Variants in PCDH11X observed in about 807,000 individuals in gnomAD.
The protein encoded by PCDH11X is protocadherin 11 X-linked, also known as protocadherin-11 X-linked.
A neutral mutation model predicts 53.3 loss-of-function variants in PCDH11X; 18 were observed. That is an observed-to-expected ratio of 0.34 (90% CI 0.23 to 0.50). The LOEUF is 0.50. PCDH11X is among the 20% of genes least tolerant of loss of function. PCDH11X has a pLI of 0.98. For synonymous variants in PCDH11X, 279 were observed against 393.3 expected, an observed-to-expected ratio of 0.71 and a Z score of 3.44; for missense variants, 570 against 1,032.4, an observed-to-expected ratio of 0.55 and a Z score of 6.14.
At chrX:92,460,159 G>T (rs1268161881) in intron 9 of PCDH11X, 4 of 977,778 alleles carry the variant, frequency 4.1e-6, no homozygotes, top group Non-Finnish European at 4.3e-6. Flanking sequence ...TGACTTTAGA[G>T]TCAAGTATGA....
At chrX:92,272,101 C>G (rs1208843056) in intron 8 of PCDH11X, among the ~76,000 whole-genome samples, 1 of 111,130 alleles carries the variant, frequency 9.0e-6, no homozygotes, top group Non-Finnish European at 1.9e-5. Context: ...AAATGGAGTC[C>G]TCAGTAGTAG....
intron 8 of PCDH11X, among the ~76,000 whole-genome samples, chrX:92,324,795 C>T (rs772669816): frequency 9.4e-5 from 9 of 95,466 alleles, no homozygotes; most frequent in South Asian, 5.6e-4. Context: ...GCATGGTACC[C>T]GATAAGCAGT....
At chrX:91,904,955 C>T (rs1941096933) in intron 6 of PCDH11X, among the ~76,000 whole-genome samples, 3 of 109,441 alleles carry the variant, frequency 2.7e-5, no homozygotes, top group African/African-American at 9.9e-5. Flanking sequence ...ATTTCATTTA[C>T]AACAATAGTA....
chrX:92,103,212 C>T (rs1294797017), intron 6 of PCDH11X, among the ~76,000 whole-genome samples: 1 of 110,360 alleles, frequency 9.1e-6, no homozygotes, highest in Non-Finnish European at 1.9e-5. Context: ...TAAAATATCT[C>T]GGCCTAATAA....
chrX:92,597,226 G>T (rs1925723966), intron 10 of PCDH11X, among the ~76,000 whole-genome samples: 1 of 110,524 alleles, frequency 9.0e-6, no homozygotes, highest in African/African-American at 3.3e-5. Context: ...AATTGGAAAG[G>T]AAGAAGTCAA....
Position 92,326,635 on chromosome X carries a change from TATATAGAG to T in PCDH11X, c.3145-61098_3145-61091del, listed in dbSNP as rs2069339227. Among the ~76,000 whole-genome samples the T allele has an allele frequency of 9.6e-5, 5 of 51,828 alleles. 2 individuals carry two copies. In the East Asian group the frequency reaches 7.3e-3, roughly 75 times the overall value. The allele number at this position is 51,828 out of a possible 115,157, so 45.0% of individuals were successfully genotyped here. A position where few individuals can be genotyped will look rare whatever the true frequency, so the allele number is the denominator to read the frequency against. On this transcript the variant is annotated intron_variant, in intron 8 of 10. Transcript: ENST00000682573. The stretch of plus-strand genomic sequence containing the variant: ...ATTTTTAATAAACTATATATATATA[TATATAGAG>T]AGAGAGAGAGAGAGAGAGAGAAAGA...
intron 10 of PCDH11X, among the ~76,000 whole-genome samples, chrX:92,557,525 C>A (rs1466836354): frequency 2.7e-5 from 3 of 111,521 alleles, no homozygotes; most frequent in Non-Finnish European, 1.9e-5. Flanking sequence ...TTTGAAACCA[C>A]CTCAGCTTGG....
intron 10 of PCDH11X, among the ~76,000 whole-genome samples, chrX:92,551,392 C>A (rs2074951615): frequency 1.2e-5 from 1 of 81,467 alleles, no homozygotes; most frequent in Non-Finnish European, 2.7e-5. Context: ...ATCTTTTGCC[C>A]ATTTTTTTTT....
intron 10 of PCDH11X, among the ~76,000 whole-genome samples, chrX:92,546,895 A>G (rs1373884066): frequency 4.5e-5 from 5 of 111,757 alleles, no homozygotes; most frequent in Non-Finnish European, 7.5e-5. Context: ...TCTAGTCAGC[A>G]CTCAATTATT....
intron 6 of PCDH11X, among the ~76,000 whole-genome samples, chrX:91,972,461 C>G (rs1324874854): frequency 3.6e-4 from 38 of 104,797 alleles, no homozygotes; most frequent in Non-Finnish European, 6.0e-4. Context: ...AATTAGATCC[C>G]ATTTGTCAAT....
At chrX:92,148,729 GA>G (rs1200400180) in intron 6 of PCDH11X, among the ~76,000 whole-genome samples, 1 of 107,036 alleles carries the variant, frequency 9.3e-6, no homozygotes, top group African/African-American at 3.4e-5. Flanking sequence ...ACTGGCCTTG[GA>G]AACATTGACA....
rs1290017048 is a variant in PCDH11X at position 92,202,804 on chromosome X, G to A, written c.3114+1349G>A. On this transcript the variant is annotated intron_variant, in intron 7 of 10. Coordinates refer to ENST00000682573, the MANE Select transcript of PCDH11X (RefSeq NM_032968.5). The stretch of plus-strand genomic sequence containing the variant: ...TGGAAGGCCGAGGAGTGTGGATCAC[G>A]AGGTCAAGAGATCGAGACCATCCTG... 2.7e-5 allele frequency among the ~76,000 whole-genome samples: 3 copies of A among 110,994 alleles called. No individual in the cohort carries two copies. The East Asian group carries it at 8.5e-4, about 32-fold the overall frequency.
intron 5 of PCDH11X, 38 bp downstream of exon 5, chrX:91,836,082 AT>A: frequency 8.7e-7 from 1 of 1,148,991 alleles, no homozygotes; most frequent in East Asian, 3.1e-5. Context: ...ATATCATCTC[AT>A]TTTTTAAAGA....
At chrX:92,192,490 G>A (rs938780524) in intron 6 of PCDH11X, among the ~76,000 whole-genome samples, 2 of 109,590 alleles carry the variant, frequency 1.8e-5, no homozygotes, top group Non-Finnish European at 3.8e-5. Flanking sequence ...CTGCAGGCGT[G>A]CGCCAACACG....
chrX:92,403,698 A>G (rs2071447041), intron 9 of PCDH11X, among the ~76,000 whole-genome samples: 1 of 111,155 alleles, frequency 9.0e-6, no homozygotes, highest in Non-Finnish European at 1.9e-5. Flanking sequence ...AACAAGCTGG[A>G]GGTCACTGCA....
At chrX:92,041,983 A>G (rs746750522) in intron 6 of PCDH11X, among the ~76,000 whole-genome samples, 3 of 112,304 alleles carry the variant, frequency 2.7e-5, no homozygotes, top group East Asian at 5.6e-4. Context: ...AAACAAAAAA[A>G]TAGCCTCTAT....
At chrX:91,882,863 C>G (rs373983491) in intron 6 of PCDH11X, 199 of 1,178,071 alleles carry the variant, frequency 1.7e-4, no homozygotes, top group Non-Finnish European at 2.2e-4. Context: ...ACTCCTAGAA[C>G]ACAACCATCT....
At chrX:91,869,360 G>A (rs1339657712) in intron 5 of PCDH11X, among the ~76,000 whole-genome samples, 1 of 110,953 alleles carries the variant, frequency 9.0e-6, no homozygotes, top group Non-Finnish European at 1.9e-5. Flanking sequence ...CCATATTTCA[G>A]TGAAAAAATC....
chrX:92,542,341 T>C (rs1371883905), intron 10 of PCDH11X, among the ~76,000 whole-genome samples: 2 of 111,205 alleles, frequency 1.8e-5, no homozygotes, highest in African/African-American at 6.5e-5. Context: ...TGATGAAGAG[T>C]TGCCTGCAGC....
Sources: allele counts gnomAD v4.1 joint callset (sites outside exome capture counted in the v4.1 genomes callset), GRCh38; gene constraint gnomAD v4.1.1; transcripts MANE v1.5; gene names NCBI Gene and HGNC (gene_info 2026-07-23, HGNC 2026-07-21).